Variants in IRAK2 observed in about 807,000 individuals in gnomAD.
IRAK2 encodes interleukin 1 receptor associated kinase 2, also known as interleukin-1 receptor-associated kinase-like 2.
Under a neutral mutation model 72.0 loss-of-function variants are expected in IRAK2, and 57 were observed. That is an observed-to-expected ratio of 0.79 (90% CI 0.64 to 0.99). The LOEUF is 0.99. Among genes scored for constraint, IRAK2 ranks in the 50% least tolerant of loss-of-function variants. The pLI, the probability that IRAK2 is intolerant of heterozygous loss-of-function variation, is 0.00. For synonymous variants in IRAK2, 293 were observed against 312.7 expected (o/e 0.94, Z 0.67); for missense variants, 790 against 794.4 (o/e 0.99, Z 0.07).
chr3:10,189,995 T>C (rs1159116565), intron 2 of IRAK2, among the ~76,000 whole-genome samples: 1 of 151,940 alleles, frequency 6.6e-6, no homozygotes, highest in Non-Finnish European at 1.5e-5. Context: ...TAGCACCTGA[T>C]ATGTGCCAGG....
chr3:10,169,348 C>G (rs1256274782), intron 1 of IRAK2, among the ~76,000 whole-genome samples: 1 of 152,176 alleles, frequency 6.6e-6, no homozygotes, highest in Admixed American at 6.5e-5. Context: ...CCTAGTAAGC[C>G]TGAGGGCACT....
At chr3:10,237,126 A>G (rs1462714971) in intron 11 of IRAK2, among the ~76,000 whole-genome samples, 1 of 152,258 alleles carries the variant, frequency 6.6e-6, no homozygotes, top group Non-Finnish European at 1.5e-5. Flanking sequence ...AGAGAGCAGA[A>G]CTTAGCTACA....
chr3:10,213,614 GT>G, intron 6 of IRAK2, 66 bp downstream of exon 6: 1 of 1,277,066 alleles, frequency 7.8e-7, no homozygotes. Context: ...TGTGTGCCCA[GT>G]CATGTTTTAA....
At chr3:10,211,977 G>C (rs1575976532) in intron 4 of IRAK2, among the ~76,000 whole-genome samples, 1 of 151,428 alleles carries the variant, frequency 6.6e-6, no homozygotes, top group African/African-American at 2.4e-5. Flanking sequence ...CTGCTCGGGA[G>C]ACTGAGGAAG....
In IRAK2 at chr3:10,226,381, A is replaced by G; in HGVS notation, c.1220A>G (p.Glu407Gly). ...DIFSCGIVLA[E>G]VLTGIPAMDN... ...TTCTGTTCTCTCCAGGTGTTGGCCGAGGTCCTCACGGGCATCCCTGCAATG... is the reference window on the plus strand; with the variant it reads ...TTCTGTTCTCTCCAGGTGTTGGCCGGGGTCCTCACGGGCATCCCTGCAATG... Residue 407 changes from glutamate (E) to glycine (G), a missense_variant, in exon 10 of 13, where the codon GAG (glutamate) becomes GGG (glycine). Physicochemically the swap from Glu to Gly is moderately conservative, Grantham distance 98. Coordinates refer to ENST00000256458, the MANE Select transcript of IRAK2 (RefSeq NM_001570.4). 6.2e-7 allele frequency: 1 copy of G among 1,613,494 alleles called. No individual in the cohort carries two copies. The highest frequency in any genetic ancestry group is 8.5e-7 in the Non-Finnish European group (1 of 1,179,742).
chr3:10,227,924 C>T (rs1304653882), intron 10 of IRAK2, among the ~76,000 whole-genome samples: 1 of 152,044 alleles, frequency 6.6e-6, no homozygotes, highest in Non-Finnish European at 1.5e-5. Context: ...CCGCCTCGGC[C>T]TCCCAAAGTG....
intron 2 of IRAK2, among the ~76,000 whole-genome samples, chr3:10,180,409 G>T (rs1414364339): frequency 1.3e-5 from 2 of 152,174 alleles, no homozygotes; most frequent in African/African-American, 4.8e-5. Context: ...AGGATACAGT[G>T]ACCAGATAGG....
In IRAK2 at chr3:10,242,232, C is replaced by T. The variant is rs773332160; in HGVS notation, c.*4C>T. On this transcript the variant is annotated 3_prime_UTR_variant, in exon 13 of 13. Transcript: ENST00000256458. ...CATTGAGCTCTTTGGCCCCTGATGA[C>T]CGGAACACAGCTGAGGACCCTTGTC... 7.1e-6 allele frequency: 11 copies of T among 1,555,694 alleles called. No individual in the cohort carries two copies. Among genetic ancestry groups the T allele is most frequent in the Non-Finnish European group, 9.7e-6 (11 of 1,128,364 alleles).
At chr3:10,170,169 C>A (rs1696772727) in intron 1 of IRAK2, among the ~76,000 whole-genome samples, 1 of 152,188 alleles carries the variant, frequency 6.6e-6, no homozygotes, top group Non-Finnish European at 1.5e-5. Flanking sequence ...CTTATGGCCC[C>A]TTCCTCCATC....
chr3:10,200,467 G>T lies in IRAK2; in HGVS notation c.376G>T (p.Glu126Ter). 1 of 1,606,064 alleles carries T rather than the reference G, an allele frequency of 6.2e-7. No individual in the cohort carries two copies. The highest frequency in any genetic ancestry group is 2.2e-5 in the East Asian group (1 of 44,638). ...AGCTTCTGTAAGAAAGGCTGAGGAT[G>T]AACAGGAAGAGGGGCAGCCTGTGAG... is the stretch of plus-strand genomic sequence containing the variant. Reference protein sequence around the residue: ...LAASVRKAEDEQEEGQPVRMA... With the variant: ...LAASVRKAED The change falls in exon 3 of 13, where the codon GAA (glutamate) becomes TAA (stop). Residue 126 changes from glutamate (E) to a stop codon, truncating the protein, a stop_gained. Coordinates refer to ENST00000256458, the MANE Select transcript of IRAK2 (RefSeq NM_001570.4). LOFTEE classifies it high-confidence loss of function.
chr3:10,206,400 C>G (rs765705083), intron 3 of IRAK2, among the ~76,000 whole-genome samples: 3 of 152,192 alleles, frequency 2.0e-5, no homozygotes, highest in Non-Finnish European at 4.4e-5. Flanking sequence ...CTGCTAGATT[C>G]ACACAGCAGC....
At chr3:10,172,490 A>ATG (rs1215201837) in intron 1 of IRAK2, among the ~76,000 whole-genome samples, 4 of 137,996 alleles carry the variant, frequency 2.9e-5, no homozygotes, top group Admixed American at 1.5e-4. Context: ...GTGAGCTGAC[A>ATG]TGTGCCATTG....
At chr3:10,207,754 A>T (rs1559447275) in intron 3 of IRAK2, among the ~76,000 whole-genome samples, 1 of 152,154 alleles carries the variant, frequency 6.6e-6, no homozygotes, top group Admixed American at 6.5e-5. Flanking sequence ...GCACTTTGGG[A>T]GGCCGAGGCA....
intron 10 of IRAK2, among the ~76,000 whole-genome samples, chr3:10,230,640 G>A (rs1400810606): frequency 6.6e-6 from 1 of 152,180 alleles, no homozygotes; most frequent in East Asian, 1.9e-4. Flanking sequence ...TGCAATCATG[G>A]CTCACTGTAA....
At chr3:10,201,568 A>T (rs945960226) in intron 3 of IRAK2, among the ~76,000 whole-genome samples, 4 of 152,252 alleles carry the variant, frequency 2.6e-5, no homozygotes, top group Non-Finnish European at 4.4e-5. Context: ...CCTAAGCATC[A>T]TACTCACTGC....
In IRAK2 at chr3:10,207,088, GTTTT is replaced by G. The variant is rs539991258; in HGVS notation, c.425-2497_425-2494del. ...GGCTGGTCTTAAACTCTTTTTGTTT[GTTTT>G]TTTGTTTGTTTGTTTTGAAGTGGAG... On this transcript the variant is annotated intron_variant, in intron 3 of 12. Coordinates refer to ENST00000256458, the MANE Select transcript of IRAK2 (RefSeq NM_001570.4). Among the ~76,000 whole-genome samples the G allele has an allele frequency of 1.6e-4, 25 of 151,618 alleles. No individual in the cohort carries two copies. The South Asian group carries it at 2.1e-3, about 13-fold the overall frequency.
chr3:10,168,371 T>G (rs1696738380), intron 1 of IRAK2, among the ~76,000 whole-genome samples: 1 of 151,646 alleles, frequency 6.6e-6, no homozygotes, highest in Non-Finnish European at 1.5e-5. Flanking sequence ...CCACCGTGCC[T>G]GACTAATTTT....
At position 10,177,824 on chromosome 3, in the gene IRAK2, T is replaced by C. The variant is rs2306696; in HGVS notation, c.95-14T>C. 0.19 allele frequency: 312,719 copies of C among 1,609,116 alleles called. 32,628 individuals carry two copies. The highest frequency in any genetic ancestry group is 0.36 in the Admixed American group (21,649 of 60,002). ...CTCTCTGACTCTAAGCAGAGTTCTCTCCGTCCCTTCCAGCCTCCTACGTGA... is the reference window on the plus strand; with the variant it reads ...CTCTCTGACTCTAAGCAGAGTTCTCCCCGTCCCTTCCAGCCTCCTACGTGA... On this transcript the variant is annotated splice_polypyrimidine_tract_variant and intron_variant, in intron 1 of 12. Transcript: ENST00000256458.
chr3:10,229,903 C>A (rs867005228), intron 10 of IRAK2, among the ~76,000 whole-genome samples: 2 of 152,088 alleles, frequency 1.3e-5, no homozygotes, highest in African/African-American at 2.4e-5. Context: ...GAGTTCAAGA[C>A]CAGCCTGGGC....
Sources: allele counts gnomAD v4.1 joint callset (sites outside exome capture counted in the v4.1 genomes callset), GRCh38; gene constraint gnomAD v4.1.1; transcripts MANE v1.5; gene names NCBI Gene and HGNC (gene_info 2026-07-23, HGNC 2026-07-21).